The following PRKN variants were observed in gnomAD, a reference collection of about 807,000 sequenced individuals.
PRKN encodes the protein E3 ubiquitin-protein ligase parkin.
In PRKN, 56 loss-of-function variants were observed where a neutral mutation model predicts 59.5. That is an observed-to-expected ratio of 0.94 (90% CI 0.76 to 1.18). The LOEUF is 1.18. Ranked by LOEUF, PRKN falls within the 50% of genes most tolerant of loss-of-function variation. PRKN has a pLI of 0.00. For missense variants in PRKN, 657 were observed against 596.4 expected (o/e 1.10, Z -1.06); for synonymous variants, 250 against 222.1 (o/e 1.13, Z -1.12).
At chr6:161,709,381 T>C (rs1414970690) in intron 7 of PRKN, among the ~76,000 whole-genome samples, 1 of 152,252 alleles carries the variant, frequency 6.6e-6, no homozygotes, top group African/African-American at 2.4e-5. Context: ...CAATTAATTT[T>C]ATATGATTGT....
intron 7 of PRKN, among the ~76,000 whole-genome samples, chr6:161,748,615 G>T (rs1359464580): frequency 6.6e-6 from 1 of 152,072 alleles, no homozygotes; most frequent in Non-Finnish European, 1.5e-5. Flanking sequence ...TTCTCATCTT[G>T]GTCCAGGCAA....
At chr6:162,674,764 GAGGCT>G (rs1779471894) in intron 1 of PRKN, among the ~76,000 whole-genome samples, 1 of 152,164 alleles carries the variant, frequency 6.6e-6, no homozygotes, top group African/African-American at 2.4e-5. Flanking sequence ...AGAAAGAATA[GAGGCT>G]AAAACATCAA....
chr6:162,191,964 C>A (rs909837435), intron 4 of PRKN, among the ~76,000 whole-genome samples: 2 of 152,066 alleles, frequency 1.3e-5, no homozygotes, highest in Non-Finnish European at 2.9e-5. Context: ...CATCACGAAC[C>A]AATAAACAAA....
intron 6 of PRKN, among the ~76,000 whole-genome samples, chr6:161,831,705 G>T (rs1473118788): frequency 6.6e-6 from 1 of 152,162 alleles, no homozygotes; most frequent in African/African-American, 2.4e-5. Flanking sequence ...TAATCTGGGT[G>T]GATTCCTTTA....
At chr6:162,359,079 A>AAAAAATAT (rs57265104) in intron 2 of PRKN, among the ~76,000 whole-genome samples, 2 of 83,244 alleles carry the variant, frequency 2.4e-5, no homozygotes, top group East Asian at 2.8e-4. Context: ...AAAAAAAAAA[A>AAAAAATAT]ATATATATAT....
chr6:161,778,182 A>G (rs949134549), intron 7 of PRKN, among the ~76,000 whole-genome samples: 5 of 152,110 alleles, frequency 3.3e-5, no homozygotes, highest in Admixed American at 1.3e-4. Context: ...AGTGGTGACT[A>G]TGCCACCCCA....
At chr6:162,480,998 A>G (rs1393372503) in intron 1 of PRKN, among the ~76,000 whole-genome samples, 1 of 148,210 alleles carries the variant, frequency 6.7e-6, no homozygotes, top group Non-Finnish European at 1.5e-5. Context: ...GTGTGTGTGT[A>G]TTTTTAGTAA....
chr6:162,539,810 T>C (rs1206612440), intron 1 of PRKN, among the ~76,000 whole-genome samples: 4 of 152,162 alleles, frequency 2.6e-5, no homozygotes, highest in Non-Finnish European at 4.4e-5. Context: ...TGAAAGATTA[T>C]AAAGACACAT....
In PRKN at chr6:161,743,213, C is replaced by CTTTT. The variant is rs768890758; in HGVS notation, c.871+42555_871+42558dup. Among the ~76,000 whole-genome samples the CTTTT allele has an allele frequency of 9.5e-5, 8 of 84,550 alleles. 1 individual carries two copies. Among genetic ancestry groups the CTTTT allele is most frequent in the Non-Finnish European group, 1.3e-4 (6 of 45,738 alleles). 55.5% of individuals were successfully genotyped at this position (84,550 alleles called of 152,430 possible). A position where few individuals can be genotyped will look rare whatever the true frequency, so the allele number is the denominator to read the frequency against. ...CTTGCCTGTCTATACTGGTTTCTAC[C>CTTTT]TTTTTTTTTTTTTTTTTTTTTTTTT... On this transcript the variant is annotated intron_variant, in intron 7 of 11. Coordinates refer to ENST00000366898, the MANE Select transcript of PRKN (RefSeq NM_004562.3).
intron 5 of PRKN, among the ~76,000 whole-genome samples, chr6:162,021,144 ATATATATATATATATATATAT>A (rs1562465457): frequency 0.2 from 3,906 of 19,534 alleles, 508 homozygotes; most frequent in South Asian, 0.32. Flanking sequence ...ATATATATAT[ATATATATATATATATATATAT>A]AAAATATATG....
In PRKN at chr6:162,031,369, G is replaced by T. The variant is rs560887033; in HGVS notation, c.618+22722C>A. Among the ~76,000 whole-genome samples, 7 of 151,536 alleles carry T rather than the reference G, an allele frequency of 4.6e-5. No individual in the cohort carries two copies. The South Asian group carries it at 1.2e-3, about 27-fold the overall frequency. Reference sequence around the variant, plus strand: ...GTATGGAAGGTACTCGATCATTATTGGTTGAGCCCCATCCTCCACATCCCT... The same window carrying T: ...GTATGGAAGGTACTCGATCATTATTTGTTGAGCCCCATCCTCCACATCCCT... On this transcript the variant is annotated intron_variant, in intron 5 of 11. Transcript: ENST00000366898.
At chr6:162,576,498 A>G (rs1292188866) in intron 1 of PRKN, among the ~76,000 whole-genome samples, 1 of 152,178 alleles carries the variant, frequency 6.6e-6, no homozygotes, top group Non-Finnish European at 1.5e-5. Flanking sequence ...CTTTCCTAAA[A>G]AAACACTTCT....
intron 1 of PRKN, among the ~76,000 whole-genome samples, chr6:162,646,641 A>T (rs1478109662): frequency 6.6e-6 from 1 of 152,168 alleles, no homozygotes; most frequent in Non-Finnish European, 1.5e-5. Context: ...TTGCAGATAC[A>T]TTCTGAGAAA....
chr6:161,753,529 T>C (rs1299837728), intron 7 of PRKN, among the ~76,000 whole-genome samples: 4 of 152,150 alleles, frequency 2.6e-5, no homozygotes, highest in Non-Finnish European at 2.9e-5. Flanking sequence ...CGGAGGGGGA[T>C]AAGAGGTTTA....
At chr6:161,626,220 C>G (rs780297228) in intron 7 of PRKN, among the ~76,000 whole-genome samples, 1 of 152,128 alleles carries the variant, frequency 6.6e-6, no homozygotes, top group Non-Finnish European at 1.5e-5. Context: ...CCTGTTTTGG[C>G]GTAACCAGCT....
At chr6:162,485,018 C>T (rs1018620680) in intron 1 of PRKN, among the ~76,000 whole-genome samples, 1 of 152,082 alleles carries the variant, frequency 6.6e-6, no homozygotes, top group Non-Finnish European at 1.5e-5. Context: ...AAAGACAAAT[C>T]TCATCAGTAA....
intron 3 of PRKN, among the ~76,000 whole-genome samples, chr6:162,252,728 A>G (rs1041132393): frequency 1.3e-5 from 2 of 152,248 alleles, no homozygotes; most frequent in African/African-American, 4.8e-5. Context: ...ACTTCCCAGC[A>G]TCTAGAACTG....
At chr6:162,681,259 T>C (rs777124243) in intron 1 of PRKN, among the ~76,000 whole-genome samples, 11 of 152,136 alleles carry the variant, frequency 7.2e-5, no homozygotes, top group Non-Finnish European at 1.5e-4. Flanking sequence ...GTTATTAAAA[T>C]AGATACAACT....
rs533661372 is a variant in PRKN, at chr6:161,497,419, G to T, written c.1083+51435C>A. Among the ~76,000 whole-genome samples the T allele has an allele frequency of 7.9e-5, 12 of 152,162 alleles. No homozygotes were observed. Among genetic ancestry groups the T allele is most frequent in the Non-Finnish European group, 1.5e-4 (10 of 68,036 alleles). On this transcript the variant is annotated intron_variant, in intron 9 of 11. Coordinates refer to ENST00000366898, the MANE Select transcript of PRKN (RefSeq NM_004562.3). The surrounding 1 kb of genome is among the most constrained non-coding windows in gnomAD (Gnocchi z 4.6). ...ATCCTTTAAAGAAAAAAAAGTTCTT[G>T]CTCCTCTGTCTTGAACTGGGAATAA...
Sources: allele counts gnomAD v4.1 joint callset (sites outside exome capture counted in the v4.1 genomes callset), GRCh38; gene constraint gnomAD v4.1.1; non-coding constraint Gnocchi (gnomAD v3.1); transcripts MANE v1.5; gene names NCBI Gene and HGNC (gene_info 2026-07-23, HGNC 2026-07-21).